Variants in SEMA6D observed in about 807,000 individuals in gnomAD.
The protein encoded by SEMA6D is semaphorin-6D.
SEMA6D carries 35 observed loss-of-function variants against 106.6 expected under a neutral mutation model. That is an observed-to-expected ratio of 0.33 (90% CI 0.25 to 0.44). The LOEUF (loss-of-function observed/expected upper bound fraction) is 0.44. Among genes scored for constraint, SEMA6D ranks in the 20% least tolerant of loss-of-function variants. The pLI, the probability that SEMA6D is intolerant of heterozygous loss-of-function variation, is 1.00. For synonymous variants in SEMA6D, 499 were observed against 487.7 expected (o/e 1.02, Z -0.31); for missense variants, 1,185 against 1,345.9 (o/e 0.88, Z 1.87).
intron 1 of SEMA6D, among the ~76,000 whole-genome samples, chr15:47,256,090 T>C (rs1280805656): frequency 2.0e-5 from 3 of 152,232 alleles, no homozygotes; most frequent in African/African-American, 7.2e-5. Flanking sequence ...AATGTCTTGA[T>C]TACTGTAGCT....
At chr15:47,726,307 G>A (rs142666772) in intron 1 of SEMA6D, among the ~76,000 whole-genome samples, 1 of 152,256 alleles carries the variant, frequency 6.6e-6, no homozygotes, top group Non-Finnish European at 1.5e-5. Flanking sequence ...AGCTAACTAA[G>A]AGCCAACATA....
Position 47,764,918 on chromosome 15 carries a change from C to A in SEMA6D, c.1289C>A (p.Ala430Asp), listed in dbSNP as rs2082255868. The part of the protein sequence containing the change: ...RLTAISVDHS[A>D]GPYQNYTVIF... ...ACGGCCATCTCAGTGGACCATTCAG[C>A]CGGACCCTACCAGAACTACACAGTC... The change falls in exon 13 of 19, where the codon GCC becomes GAC. Residue 430 changes from alanine to aspartate, a missense_variant. Around this residue, in one of 3 missense-constraint regions of SEMA6D, gnomAD observed 291 missense variants for 423.8 expected, o/e 0.69. Coordinates refer to ENST00000536845, the MANE Select transcript of SEMA6D (RefSeq NM_001358351.3). The A allele has an allele frequency of 6.2e-7, 1 of 1,613,952 alleles. No individual in the cohort carries two copies. The highest frequency in any genetic ancestry group is 8.5e-7 in the Non-Finnish European group (1 of 1,179,874).
At chr15:47,550,976 C>T (rs1015864617) in intron 3 of SEMA6D, among the ~76,000 whole-genome samples, 1 of 152,138 alleles carries the variant, frequency 6.6e-6, no homozygotes, top group Non-Finnish European at 1.5e-5. Flanking sequence ...TTCCCCATAA[C>T]AGCATAATAA....
At chr15:47,384,077 A>G (rs141630349) in intron 1 of SEMA6D, among the ~76,000 whole-genome samples, 3 of 152,316 alleles carry the variant, frequency 2.0e-5, no homozygotes, top group African/African-American at 7.2e-5. Context: ...TAAGAATTCC[A>G]GGGACCTTCA....
chr15:47,646,877 G>A (rs934376169), intron 4 of SEMA6D, among the ~76,000 whole-genome samples: 1 of 152,118 alleles, frequency 6.6e-6, no homozygotes, highest in African/African-American at 2.4e-5. Context: ...TTTCATGAAA[G>A]AACAAGATTT....
chr15:47,225,717 A>G (rs967952967), intron 1 of SEMA6D, among the ~76,000 whole-genome samples: 1 of 151,062 alleles, frequency 6.6e-6, no homozygotes, highest in Non-Finnish European at 1.5e-5. Context: ...TTTAGTAGAG[A>G]TGGGGTTTCT....
intron 3 of SEMA6D, among the ~76,000 whole-genome samples, chr15:47,524,176 C>T (rs1477284740): frequency 4.6e-5 from 7 of 152,198 alleles, no homozygotes; most frequent in African/African-American, 1.7e-4. Flanking sequence ...GTCTCCTCGC[C>T]GACAAGATTG....
intron 1 of SEMA6D, among the ~76,000 whole-genome samples, chr15:47,349,750 C>A (rs1043581877): frequency 3.3e-5 from 5 of 151,990 alleles, no homozygotes; most frequent in Non-Finnish European, 4.4e-5. Flanking sequence ...TGGTAACTGC[C>A]TGGAGTAAAT....
At chr15:47,560,144 A>T (rs903307470) in intron 3 of SEMA6D, among the ~76,000 whole-genome samples, 25 of 152,132 alleles carry the variant, frequency 1.6e-4, no homozygotes, top group Non-Finnish European at 7.4e-5. Context: ...AAAATATATT[A>T]TCTAAAGTGT....
At chr15:47,474,009 G>C (rs1691789750) in intron 3 of SEMA6D, among the ~76,000 whole-genome samples, 1 of 152,158 alleles carries the variant, frequency 6.6e-6, no homozygotes, top group Non-Finnish European at 1.5e-5. Context: ...AGCCTGGGAA[G>C]GCTGTCCACA....
chr15:47,581,583 G>A (rs1473835916), intron 3 of SEMA6D, among the ~76,000 whole-genome samples: 2 of 152,188 alleles, frequency 1.3e-5, no homozygotes, highest in African/African-American at 2.4e-5. Flanking sequence ...AGGAGGAGTA[G>A]TGGTGGGATT....
intron 1 of SEMA6D, among the ~76,000 whole-genome samples, chr15:47,290,691 A>G (rs2035560888): frequency 6.6e-6 from 1 of 152,206 alleles, no homozygotes; most frequent in East Asian, 1.9e-4. Context: ...CTAGTGTCAT[A>G]TCACTTATTT....
At chr15:47,377,398 G>GAA (rs2039486441) in intron 1 of SEMA6D, among the ~76,000 whole-genome samples, 1 of 152,134 alleles carries the variant, frequency 6.6e-6, no homozygotes, top group Non-Finnish European at 1.5e-5. Context: ...GTAGCTGCTT[G>GAA]TAAGCACCTC....
At chr15:47,301,768 T>TA (rs1277170911) in intron 1 of SEMA6D, among the ~76,000 whole-genome samples, 2 of 152,142 alleles carry the variant, frequency 1.3e-5, no homozygotes, top group East Asian at 3.9e-4. Context: ...GCAATTCTCT[T>TA]AAAAATAGCT....
intron 1 of SEMA6D, chr15:47,399,325 G>A (rs2040321561): frequency 2.0e-5 from 3 of 152,156 alleles, no homozygotes; most frequent in South Asian, 2.1e-4. Context: ...CAATCTGCTT[G>A]TAATCAAGTG....
intron 1 of SEMA6D, among the ~76,000 whole-genome samples, chr15:47,348,309 C>T (rs1428893481): frequency 2.0e-5 from 3 of 152,126 alleles, no homozygotes; most frequent in Admixed American, 2.0e-4. Flanking sequence ...TCTTCCTCTC[C>T]TTCCTCATCT....
chr15:47,230,864 A>G (rs146727327), intron 1 of SEMA6D, among the ~76,000 whole-genome samples: 11 of 152,156 alleles, frequency 7.2e-5, no homozygotes, highest in African/African-American at 2.2e-4. Flanking sequence ...GTGTTTTTAT[A>G]TATAAAATAC....
At chr15:47,729,398 C>T (rs1475539972) in intron 1 of SEMA6D, among the ~76,000 whole-genome samples, 1 of 151,540 alleles carries the variant, frequency 6.6e-6, no homozygotes, top group Non-Finnish European at 1.5e-5. Context: ...ATTTGTCTTT[C>T]ACTGGATAAC....
At chr15:47,688,364 A>C (rs1045450944) in intron 4 of SEMA6D, among the ~76,000 whole-genome samples, 6 of 152,204 alleles carry the variant, frequency 3.9e-5, no homozygotes, top group African/African-American at 1.4e-4. Flanking sequence ...ATAAAACCTA[A>C]AAAATATTGA....
Sources: gnomAD v4.1 joint callset for allele counts (sites outside exome capture counted in the v4.1 genomes callset) on GRCh38, gnomAD v4.1.1 for gene constraint, gnomAD v4.1.1 regional missense constraint, MANE v1.5 for transcripts, NCBI Gene and HGNC (gene_info 2026-07-23, HGNC 2026-07-21) for gene names.